Variants in SND1 observed in about 807,000 individuals in gnomAD.
SND1 encodes the protein staphylococcal nuclease and tudor domain containing 1, also known as staphylococcal nuclease domain-containing protein 1.
A neutral mutation model predicts 121.7 loss-of-function variants in SND1; 38 were observed. The observed-to-expected ratio is 0.31, with a 90% CI of 0.24 to 0.41. The LOEUF is 0.41. Ranked by LOEUF, SND1 falls within the 10% of genes least tolerant of loss-of-function variation. SND1 has a pLI of 1.00. For missense variants in SND1, 868 were observed against 1,184.6 expected (o/e 0.73, Z 3.92); for synonymous variants, 401 against 447.4 (o/e 0.90, Z 1.31).
intron 14 of SND1, among the ~76,000 whole-genome samples, chr7:127,918,452 A>C (rs1800632473): frequency 6.6e-6 from 1 of 152,154 alleles, no homozygotes; most frequent in Non-Finnish European, 1.5e-5. Flanking sequence ...AAATGCATCA[A>C]ATATAAGTGA....
At chr7:127,979,030 G>C (rs749952494) in intron 15 of SND1, among the ~76,000 whole-genome samples, 1 of 152,092 alleles carries the variant, frequency 6.6e-6, no homozygotes, top group African/African-American at 2.4e-5. Context: ...GCTTCAGAGC[G>C]TGTTGGCGAG....
intron 10 of SND1, among the ~76,000 whole-genome samples, chr7:127,805,824 A>G (rs1027712391): frequency 1.3e-5 from 2 of 152,186 alleles, no homozygotes; most frequent in Non-Finnish European, 2.9e-5. Flanking sequence ...GCCAGATTGG[A>G]TAAGCATAGA....
chr7:127,882,854 T>A (rs1468619680), intron 12 of SND1, among the ~76,000 whole-genome samples: 4 of 152,158 alleles, frequency 2.6e-5, no homozygotes, highest in Non-Finnish European at 5.9e-5. Flanking sequence ...CTTGAGTGTA[T>A]CAGTAATTCT....
In SND1 at chr7:128,029,009, C is replaced by A; in HGVS notation, c.1779+37953C>A. The stretch of plus-strand genomic sequence containing the variant: ...GCTTACGAAGTTTATAGAAGACAAT[C>A]AACATGGCGGCAGCTAGCAGAGTCA... On this transcript the variant is annotated intron_variant, in intron 16 of 23. Coordinates refer to ENST00000354725, the MANE Select transcript of SND1 (RefSeq NM_014390.4). This position sits in a 1 kb window ranked among gnomAD's most constrained non-coding sequence, Gnocchi z 4.2. 1 of 1,613,588 alleles carries A rather than the reference C, an allele frequency of 6.2e-7. No individual in the cohort carries two copies. Among genetic ancestry groups the A allele is most frequent in the Non-Finnish European group, 8.5e-7 (1 of 1,179,810 alleles).
intron 15 of SND1, among the ~76,000 whole-genome samples, chr7:127,948,441 AT>A (rs1410301749): frequency 4.6e-5 from 7 of 152,184 alleles, no homozygotes; most frequent in Non-Finnish European, 1.0e-4. Context: ...AGTTGATTAA[AT>A]TTTTGCCCTG....
At chr7:128,003,190 A>C (rs1182306375) in intron 16 of SND1, among the ~76,000 whole-genome samples, 1 of 152,216 alleles carries the variant, frequency 6.6e-6, no homozygotes, top group Admixed American at 6.5e-5. Flanking sequence ...AGCCTGGGCA[A>C]CAGAGCCAAG....
intron 10 of SND1, among the ~76,000 whole-genome samples, chr7:127,743,030 A>AC (rs1174740448): frequency 6.6e-6 from 1 of 151,544 alleles, no homozygotes; most frequent in African/African-American, 2.4e-5. Flanking sequence ...TAACATGTTA[A>AC]CCCCCCACCC....
rs192231755 is a variant in SND1 at position 127,999,416 on chromosome 7, C to T, written c.1779+8360C>T. On this transcript the variant is annotated intron_variant, in intron 16 of 23. Coordinates refer to ENST00000354725, the MANE Select transcript of SND1 (RefSeq NM_014390.4). ...CAAAAAAAAAAAAAAGGAAGAAATA[C>T]AGTCCTCAGACCTGACAGTTTCATT... The T allele has an allele frequency of 3.4e-5, 5 of 148,698 alleles. No homozygotes were observed. The East Asian group carries it at 9.8e-4, about 29-fold the overall frequency. The allele number at this position is 148,698 out of a possible 1,614,324, so 9.2% of individuals were successfully genotyped here. A position where few individuals can be genotyped will look rare whatever the true frequency, so the allele number is the denominator to read the frequency against.
intron 11 of SND1, among the ~76,000 whole-genome samples, chr7:127,810,537 T>C (rs1267309497): frequency 6.6e-6 from 1 of 152,240 alleles, no homozygotes; most frequent in African/African-American, 2.4e-5. Flanking sequence ...GTAATAACTT[T>C]AACATGTTTT....
intron 12 of SND1, among the ~76,000 whole-genome samples, chr7:127,851,161 C>A (rs1365735017): frequency 6.6e-6 from 1 of 152,222 alleles, no homozygotes; most frequent in Non-Finnish European, 1.5e-5. Context: ...TCCTACAAAT[C>A]AGCAAAATCC....
At chr7:127,710,881 TAGTC>T (rs1288055780) in intron 9 of SND1, among the ~76,000 whole-genome samples, 92 of 152,356 alleles carry the variant, frequency 6.0e-4, no homozygotes, top group African/African-American at 2.1e-3. Flanking sequence ...AGTTAGTTAA[TAGTC>T]AGTATTTATT....
intron 16 of SND1, among the ~76,000 whole-genome samples, chr7:128,058,280 G>A (rs1793175318): frequency 1.3e-5 from 2 of 152,260 alleles, no homozygotes; most frequent in Admixed American, 1.3e-4. Context: ...AATGAGATGA[G>A]CCAACAGTTA....
intron 16 of SND1, among the ~76,000 whole-genome samples, chr7:128,008,779 C>T (rs1563087224): frequency 6.6e-6 from 1 of 152,198 alleles, no homozygotes; most frequent in Non-Finnish European, 1.5e-5. Flanking sequence ...TTCTTGTTAG[C>T]AGTGATGTCT....
intron 1 of SND1, among the ~76,000 whole-genome samples, chr7:127,653,165 C>T (rs1351595642): frequency 1.3e-5 from 2 of 152,198 alleles, no homozygotes; most frequent in Non-Finnish European, 2.9e-5. Flanking sequence ...GTCTAGTGCT[C>T]ATAGCACTAT....
At position 127,694,842 on chromosome 7, in the gene SND1, A is replaced by G; in HGVS notation, c.243A>G (p.Pro81=). 1 of 1,614,050 alleles carries G rather than the reference A, an allele frequency of 6.2e-7. No homozygotes were observed. Among genetic ancestry groups the G allele is most frequent in the African/African-American group, 1.3e-5 (1 of 75,048 alleles). ...TTGTCTTTCAGCCCTGGGCATTTCC[A>G]GCTCGAGAGTTCCTTCGAAAGAAGC... ...KDTPDEPWAF[P]AREFLRKKLI... Residue 81 remains proline, a synonymous_variant, in exon 3 of 24, where the codon CCA becomes CCG. Coordinates refer to ENST00000354725, the MANE Select transcript of SND1 (RefSeq NM_014390.4).
chr7:127,842,670 A>G (rs1182933239), intron 11 of SND1, among the ~76,000 whole-genome samples: 1 of 151,876 alleles, frequency 6.6e-6, no homozygotes. Context: ...TCTTCTATGT[A>G]TTTATTTATT....
At chr7:127,922,194 T>TTTTG (rs1800728926) in intron 14 of SND1, among the ~76,000 whole-genome samples, 5 of 63,594 alleles carry the variant, frequency 7.9e-5, no homozygotes, top group African/African-American at 1.9e-4. Context: ...TTTTTTTTTT[T>TTTTG]TTTTTTTTTG....
chr7:127,673,804 A>G (rs1795567313), intron 1 of SND1, among the ~76,000 whole-genome samples: 1 of 152,142 alleles, frequency 6.6e-6, no homozygotes, highest in African/African-American at 2.4e-5. Context: ...GTTTTGGCTA[A>G]TGAGAGCTCT....
chr7:128,016,961 G>T lies in SND1; in HGVS notation c.1779+25905G>T, dbSNP rs140234245. Among the ~76,000 whole-genome samples, 95 of 152,322 alleles carry T rather than the reference G, an allele frequency of 6.2e-4. 2 individuals carry two copies. In the East Asian group the frequency reaches 0.018, roughly 29 times the overall value. ...TATAGGCATAGGCCAGGTTCTTGAG[G>T]TATAGGTCCCAAGGACCTGAACTGA... On this transcript the variant is annotated intron_variant, in intron 16 of 23. Transcript: ENST00000354725.
Sources: allele counts gnomAD v4.1 joint callset (sites outside exome capture counted in the v4.1 genomes callset), GRCh38; gene constraint gnomAD v4.1.1; non-coding constraint Gnocchi (gnomAD v3.1); transcripts MANE v1.5; gene names NCBI Gene and HGNC (gene_info 2026-07-23, HGNC 2026-07-21).